The following KTN1 variants were observed in gnomAD, a reference collection of about 807,000 sequenced individuals.
The protein encoded by KTN1 is kinectin.
KTN1 carries 130 observed loss-of-function variants against 222.5 expected under a neutral mutation model. That is an observed-to-expected ratio of 0.58 (90% CI 0.51 to 0.68). KTN1 has a LOEUF of 0.68. Ranked by LOEUF, KTN1 falls within the 30% of genes least tolerant of loss-of-function variation. The pLI is 0.00. For missense variants in KTN1, 1,508 were observed against 1,500.4 expected, an observed-to-expected ratio of 1.01 and a Z score of -0.08; for synonymous variants, 512 against 496.3, an observed-to-expected ratio of 1.03 and a Z score of -0.42.
intron 5 of KTN1, among the ~76,000 whole-genome samples, chr14:55,621,685 G>T (rs28681420): frequency 0.076 from 11,605 of 151,974 alleles, 487 homozygotes; most frequent in South Asian, 0.12. Flanking sequence ...CGGCACGTGG[G>T]AATTATAGGA....
chr14:55,615,291 T>C (rs2038182731), intron 2 of KTN1, among the ~76,000 whole-genome samples: 1 of 152,168 alleles, frequency 6.6e-6, no homozygotes, highest in African/African-American at 2.4e-5. Context: ...ACTAGCCAAG[T>C]CCAGAACTCT....
At chr14:55,583,373 T>C (rs1291160221) in intron 1 of KTN1, among the ~76,000 whole-genome samples, 1 of 152,190 alleles carries the variant, frequency 6.6e-6, no homozygotes, top group Non-Finnish European at 1.5e-5. Flanking sequence ...TAGTAGATAC[T>C]CTGATAGGAA....
Position 55,649,817 on chromosome 14 carries a change from A to C in KTN1, c.2405+4A>C. ...TAGTTGAAGAACTTAAGAAAGTGTA[A>C]GTGATAACATTATTATAAACTGGTT... On this transcript the variant is annotated splice_donor_region_variant and intron_variant, in intron 22 of 43. Coordinates refer to ENST00000395314, the MANE Select transcript of KTN1 (RefSeq NM_001079521.2). 1 of 1,486,984 alleles carries C rather than the reference A, an allele frequency of 6.7e-7. No homozygotes were observed. The highest frequency in any genetic ancestry group is 9.3e-7 in the Non-Finnish European group (1 of 1,080,986). The allele number at this position is 1,486,984 out of a possible 1,614,324, so 92.1% of individuals were successfully genotyped here.
intron 19 of KTN1, 114 bp downstream of exon 19, chr14:55,647,121 C>T (rs983143713): frequency 1.4e-6 from 1 of 715,622 alleles, no homozygotes. Context: ...ATGTAGTATG[C>T]TGTTGATTTG....
Position 55,637,886 on chromosome 14 carries a change from C to T in KTN1, c.1785+39C>T, listed in dbSNP as rs749517762. On this transcript the variant is annotated intron_variant, in intron 12 of 43. Coordinates refer to ENST00000395314, the MANE Select transcript of KTN1 (RefSeq NM_001079521.2). Reference sequence around the variant, plus strand: ...CTTATTGCTTATGATTAATAACTTGCAGCCATTTAAACACTCACCTGAATG... The same window carrying T: ...CTTATTGCTTATGATTAATAACTTGTAGCCATTTAAACACTCACCTGAATG... The T allele has an allele frequency of 2.0e-6, 3 of 1,512,782 alleles. No individual in the cohort carries two copies. The Admixed American group carries it at 5.2e-5, about 26-fold the overall frequency. The allele number at this position is 1,512,782 out of a possible 1,614,324, so 93.7% of individuals were successfully genotyped here.
At chr14:55,635,978 A>C (rs534901005) in intron 9 of KTN1, among the ~76,000 whole-genome samples, 8 of 152,146 alleles carry the variant, frequency 5.3e-5, no homozygotes, top group Non-Finnish European at 8.8e-5. Flanking sequence ...TTCTCTGTGG[A>C]TATGGATAAA....
At chr14:55,636,640 C>T (rs2041155136) in intron 10 of KTN1, 104 bp downstream of exon 10, 2 of 728,460 alleles carry the variant, frequency 2.7e-6, no homozygotes, top group Non-Finnish European at 2.3e-6. Flanking sequence ...TTGGTTATAG[C>T]TCAATAAAAA....
chr14:55,680,006 A>G (rs2046227200), intron 43 of KTN1: 1 of 251,286 alleles, frequency 4.0e-6, no homozygotes, highest in Non-Finnish European at 7.5e-6. Context: ...TTCTTAGTTT[A>G]GAGTAAGTAT....
intron 41 of KTN1, among the ~76,000 whole-genome samples, chr14:55,677,059 T>G (rs1372688206): frequency 6.6e-6 from 1 of 152,214 alleles, no homozygotes; most frequent in Non-Finnish European, 1.5e-5. Context: ...ATATAATAGA[T>G]ATACCATCTT....
chr14:55,607,726 T>C (rs997595741), intron 1 of KTN1, among the ~76,000 whole-genome samples: 10 of 152,124 alleles, frequency 6.6e-5, no homozygotes, highest in African/African-American at 2.4e-4. Context: ...AGGTAACTAA[T>C]ATTAGAAAGG....
rs1185777021 is a variant in KTN1, at chr14:55,639,241, A to C, written c.1823+19A>C. ...ATAAAGTGTAAGCCTACCTTTTCAC[A>C]CTCTTATAATTGTGTAGTCACCACT... On this transcript the variant is annotated intron_variant, in intron 13 of 43. Transcript: ENST00000395314. 4.4e-6 allele frequency: 7 copies of C among 1,579,730 alleles called. No homozygotes were observed. The South Asian group carries it at 5.6e-5, about 13-fold the overall frequency.
intron 43 of KTN1, 149 bp from the exon 44 acceptor site, chr14:55,683,950 T>C (rs1355944263): frequency 1.4e-5 from 7 of 500,150 alleles, no homozygotes; most frequent in Non-Finnish European, 2.1e-5. Context: ...CTCAGTTTGA[T>C]TACCATTAGT....
At position 55,607,360 on chromosome 14, in the gene KTN1, G is replaced by A. The variant is rs2036882804; in HGVS notation, c.-30-4659G>A. ...TTTTTTTTTAGTTCTTTTAAGATAGGGCAGGAATGAAAACTCTCAATATAG... is the reference window on the plus strand; with the variant it reads ...TTTTTTTTTAGTTCTTTTAAGATAGAGCAGGAATGAAAACTCTCAATATAG... On this transcript the variant is annotated intron_variant, in intron 1 of 43. Transcript: ENST00000395314. 4 of 151,990 alleles carry A rather than the reference G, an allele frequency of 2.6e-5. No homozygotes were observed. In the South Asian group the frequency reaches 8.3e-4, roughly 32 times the overall value. 9.4% of individuals were successfully genotyped at this position (151,990 alleles called of 1,614,324 possible).
chr14:55,667,441 CT>C, intron 34 of KTN1, 111 bp downstream of exon 34: 1 of 555,374 alleles, frequency 1.8e-6, no homozygotes, highest in Non-Finnish European at 3.1e-6. Context: ...ATTTCTTGAT[CT>C]TTCCTATTGT....
rs182181400 is a variant in KTN1 at position 55,625,235 on chromosome 14, A to G, written c.964-2677A>G. On this transcript the variant is annotated intron_variant, in intron 5 of 43. Coordinates refer to ENST00000395314, the MANE Select transcript of KTN1 (RefSeq NM_001079521.2). ...GATCAAGTTTTGAGAATTAAATGCT[A>G]GTGCATGTTAGGTGCTATAAATAGC... 2.6e-4 allele frequency among the ~76,000 whole-genome samples: 39 copies of G among 151,592 alleles called. 1 individual carries two copies. Among genetic ancestry groups the G allele is most frequent in the Non-Finnish European group, 5.9e-5 (4 of 67,716 alleles).
rs2043737471 is a variant in KTN1, at chr14:55,658,398, T to C, written c.2893-148T>C. ...ATATAAATACTCTAATTTCATCATATGTTTTAATAAAGAGCTTATTACACC... is the reference window on the plus strand; with the variant it reads ...ATATAAATACTCTAATTTCATCATACGTTTTAATAAAGAGCTTATTACACC... On this transcript the variant is annotated intron_variant, in intron 29 of 43. Transcript: ENST00000395314. 12 of 597,948 alleles carry C rather than the reference T, an allele frequency of 2.0e-5. No homozygotes were observed. In the South Asian group the frequency reaches 2.4e-4, roughly 12 times the overall value. The allele number at this position is 597,948 out of a possible 1,614,324, so 37.0% of individuals were successfully genotyped here.
intron 43 of KTN1, chr14:55,680,859 G>T: frequency 6.7e-6 from 3 of 449,352 alleles, no homozygotes; most frequent in South Asian, 5.7e-5. Flanking sequence ...GACTTCTCCA[G>T]TTTCCCAATG....
intron 5 of KTN1, among the ~76,000 whole-genome samples, chr14:55,625,141 G>C (rs1321153989): frequency 3.9e-5 from 6 of 152,148 alleles, no homozygotes; most frequent in Middle Eastern, 3.2e-3. Context: ...TCTGCCACTT[G>C]CAGCTTTGTG....
intron 43 of KTN1, 114 bp from the exon 44 acceptor site, chr14:55,683,985 A>G (rs1345284160): frequency 1.8e-5 from 13 of 719,694 alleles, no homozygotes; most frequent in Non-Finnish European, 2.6e-5. Context: ...GTCTATTTGA[A>G]AGGGCCATGC....
Sources: allele counts gnomAD v4.1 joint callset (sites outside exome capture counted in the v4.1 genomes callset), GRCh38; gene constraint gnomAD v4.1.1; transcripts MANE v1.5; gene names NCBI Gene and HGNC (gene_info 2026-07-23, HGNC 2026-07-21).